Variants in SLC24A2 observed in about 807,000 individuals in gnomAD.
The protein encoded by SLC24A2 is solute carrier family 24 member 2, also known as sodium/potassium/calcium exchanger 2.
Under a neutral mutation model 62.0 loss-of-function variants are expected in SLC24A2, and 36 were observed. The observed-to-expected ratio is 0.58, with a 90% CI of 0.44 to 0.77. The LOEUF is 0.77. SLC24A2 is among the 30% of genes least tolerant of loss of function. The pLI is 0.00. For synonymous variants in SLC24A2, 358 were observed against 294.0 expected (o/e 1.22, Z -2.23); for missense variants, 846 against 817.9 (o/e 1.03, Z -0.42).
chr9:19,943,141 C>G, the SLC24A2 span, among the ~76,000 whole-genome samples: 1 of 152,064 alleles, frequency 6.6e-6, no homozygotes, highest in Non-Finnish European at 1.5e-5. Context: ...TAATGCATAC[C>G]TCTAAGTGCA....
chr9:19,756,770 T>A (rs1002039851), intron 2 of SLC24A2, among the ~76,000 whole-genome samples: 1 of 152,104 alleles, frequency 6.6e-6, no homozygotes, highest in Non-Finnish European at 1.5e-5. Flanking sequence ...TTCACTTCAA[T>A]CGGAAAAAGA....
At position 19,619,524 on chromosome 9, in the gene SLC24A2, G is replaced by A. The variant is rs1289262334; in HGVS notation, c.1078+60C>T. 3.1e-6 allele frequency: 4 copies of A among 1,279,906 alleles called. No homozygotes were observed. In the Admixed American group the frequency reaches 6.7e-5, roughly 21 times the overall value. 79.3% of individuals were successfully genotyped at this position (1,279,906 alleles called of 1,614,324 possible). A position where few individuals can be genotyped will look rare whatever the true frequency, so the allele number is the denominator to read the frequency against. ...ACAGCACAAACACGTTTTATGCAGAGAAGCCTTTTGGCATCCTTTTCCCCC... is the reference window on the plus strand; with the variant it reads ...ACAGCACAAACACGTTTTATGCAGAAAAGCCTTTTGGCATCCTTTTCCCCC... On this transcript the variant is annotated intron_variant, in intron 4 of 10. Coordinates refer to ENST00000341998, the MANE Select transcript of SLC24A2 (RefSeq NM_020344.4).
chr9:19,853,552 T>C, the SLC24A2 span, among the ~76,000 whole-genome samples: 1 of 152,242 alleles, frequency 6.6e-6, no homozygotes, highest in African/African-American at 2.4e-5. Context: ...CCTTTCTGCA[T>C]CTATTGAGAT....
intron 2 of SLC24A2, among the ~76,000 whole-genome samples, chr9:19,708,357 T>G (rs1820600510): frequency 6.6e-6 from 1 of 151,970 alleles, no homozygotes; most frequent in South Asian, 2.1e-4. Context: ...TTCAATGCCA[T>G]CCCCATCAAG....
the SLC24A2 span, among the ~76,000 whole-genome samples, chr9:20,058,945 G>T: frequency 6.6e-6 from 1 of 152,144 alleles, no homozygotes; most frequent in African/African-American, 2.4e-5. Flanking sequence ...TGCTGTTGTA[G>T]TTGCACACTC....
At chr9:19,683,470 C>T (rs1819782589) in intron 2 of SLC24A2, among the ~76,000 whole-genome samples, 1 of 151,472 alleles carries the variant, frequency 6.6e-6, no homozygotes. Flanking sequence ...CTGACCACAC[C>T]TAGCCATTGT....
At position 19,514,131 on chromosome 9, in the gene SLC24A2, G is replaced by A. The variant is rs1373680152; in HGVS notation, c.*2022C>T. On this transcript the variant is annotated 3_prime_UTR_variant, in exon 11 of 11. Transcript: ENST00000341998. ...TTTGAAGTGCTTTTTACTTCTGGGT[G>A]AAGAGGAATGATGGGCATTTCCTGT... 6.6e-6 allele frequency: 1 copy of A among 152,182 alleles called. No individual in the cohort carries two copies. Among genetic ancestry groups the A allele is most frequent in the Non-Finnish European group, 1.5e-5 (1 of 68,036 alleles). 9.4% of individuals were successfully genotyped at this position (152,182 alleles called of 1,614,324 possible).
chr9:19,733,969 G>A, intron 2 of SLC24A2, among the ~76,000 whole-genome samples: 1 of 152,164 alleles, frequency 6.6e-6, no homozygotes, highest in Middle Eastern at 3.2e-3. Context: ...GAAAAGAAAG[G>A]GGTGGGGTGA....
At chr9:20,024,775 T>G in the SLC24A2 span, among the ~76,000 whole-genome samples, 2 of 152,168 alleles carry the variant, frequency 1.3e-5, 1 homozygote, top group African/African-American at 4.8e-5. Context: ...GGGGAGAACC[T>G]TTCAAGGCCA....
At chr9:20,055,048 G>A in the SLC24A2 span, among the ~76,000 whole-genome samples, 1 of 152,128 alleles carries the variant, frequency 6.6e-6, no homozygotes, top group Non-Finnish European at 1.5e-5. Context: ...TATCAGTAGT[G>A]AATATGACAA....
the SLC24A2 span, among the ~76,000 whole-genome samples, chr9:20,097,205 G>C: frequency 3.9e-5 from 6 of 152,216 alleles, no homozygotes; most frequent in African/African-American, 1.4e-4. Context: ...CATTTTGTTG[G>C]CCTCTATCTC....
intron 5 of SLC24A2, among the ~76,000 whole-genome samples, chr9:19,578,450 C>T (rs962684345): frequency 1.3e-5 from 2 of 150,594 alleles, no homozygotes; most frequent in Admixed American, 6.6e-5. Context: ...TCCTTGGGAA[C>T]ATTCAAGGTA....
intron 4 of SLC24A2, among the ~76,000 whole-genome samples, chr9:19,604,530 C>T (rs1041968434): frequency 3.3e-5 from 5 of 152,116 alleles, no homozygotes; most frequent in Non-Finnish European, 7.4e-5. Context: ...TAATTTATAT[C>T]CAGCTATTGG....
the SLC24A2 span, among the ~76,000 whole-genome samples, chr9:20,140,856 A>G: frequency 6.6e-6 from 1 of 152,190 alleles, no homozygotes; most frequent in Non-Finnish European, 1.5e-5. Flanking sequence ...CTTAGAAACG[A>G]AAGTCCTGCC....
the SLC24A2 span, among the ~76,000 whole-genome samples, chr9:20,180,413 A>G: frequency 6.6e-6 from 1 of 152,066 alleles, no homozygotes; most frequent in Non-Finnish European, 1.5e-5. Context: ...TTTGTAATAA[A>G]CTCATATTGA....
In SLC24A2 at chr9:19,599,019, T is replaced by C. The variant is rs1013874341; in HGVS notation, c.1079-1740A>G. ...GCAAAGTTGGATGTAAACTATATTC[T>C]ACACAGTGACAATACACCATTGCAT... On this transcript the variant is annotated intron_variant, in intron 4 of 10. Coordinates refer to ENST00000341998, the MANE Select transcript of SLC24A2 (RefSeq NM_020344.4). This position sits in a 1 kb window ranked among gnomAD's most constrained non-coding sequence, Gnocchi z 4.5. Among the ~76,000 whole-genome samples the C allele has an allele frequency of 1.3e-5, 2 of 152,206 alleles. No individual in the cohort carries two copies. Among genetic ancestry groups the C allele is most frequent in the African/African-American group, 4.8e-5 (2 of 41,450 alleles).
At position 19,786,219 on chromosome 9, in the gene SLC24A2, G is replaced by T. The variant is rs1536517; in HGVS notation, c.648C>A (p.Ile216=). The change falls in exon 2 of 11, where the codon ATC becomes ATA. Residue 216 remains isoleucine (I), a synonymous_variant. Transcript: ENST00000341998. The surrounding 1 kb of genome is among the most constrained non-coding windows in gnomAD (Gnocchi z 5.0). ...GTIVGSAVFN[I]LFVIGMCALF... ...GAGCACACATGCCAATAACAAAGAGGATGTTGAATACTGCTGAACCTACAA... is the reference window on the plus strand; with the variant it reads ...GAGCACACATGCCAATAACAAAGAGTATGTTGAATACTGCTGAACCTACAA... The T allele has an allele frequency of 6.2e-7, 1 of 1,613,976 alleles. No individual in the cohort carries two copies. The highest frequency in any genetic ancestry group is 1.1e-5 in the South Asian group (1 of 91,084).
At chr9:20,240,596 A>C in the SLC24A2 span, among the ~76,000 whole-genome samples, 2 of 152,152 alleles carry the variant, frequency 1.3e-5, no homozygotes, top group African/African-American at 4.8e-5. Context: ...TGGGAGTAGA[A>C]CTTTTTTGAA....
At chr9:20,021,045 A>G in the SLC24A2 span, among the ~76,000 whole-genome samples, 1 of 152,332 alleles carries the variant, frequency 6.6e-6, no homozygotes, top group East Asian at 1.9e-4. Context: ...ACATAGACAT[A>G]ATATATAAAT....
Sources: allele counts gnomAD v4.1 joint callset (sites outside exome capture counted in the v4.1 genomes callset), GRCh38; gene constraint gnomAD v4.1.1; non-coding constraint Gnocchi (gnomAD v3.1); transcripts MANE v1.5; gene names NCBI Gene and HGNC (gene_info 2026-07-23, HGNC 2026-07-21).